BMERB1: variants seen among roughly 807,000 people sequenced by gnomAD.
BMERB1 encodes the protein bMERB domain-containing protein 1.
A neutral mutation model predicts 23.6 loss-of-function variants in BMERB1; 12 were observed. The ratio of observed to expected loss-of-function variants is 0.51; its 90% CI spans 0.33 to 0.82. The LOEUF (loss-of-function observed/expected upper bound fraction) is 0.82. BMERB1 is among the 40% of genes least tolerant of loss of function. The pLI is 0.03. For synonymous variants in BMERB1, 122 were observed against 96.6 expected, an observed-to-expected ratio of 1.26 and a Z score of -1.54; for missense variants, 247 against 255.4, an observed-to-expected ratio of 0.97 and a Z score of 0.22.
At chr16:15,476,864 G>C (rs1314431906) in intron 1 of BMERB1, among the ~76,000 whole-genome samples, 8 of 152,148 alleles carry the variant, frequency 5.3e-5, no homozygotes, top group African/African-American at 1.9e-4. Flanking sequence ...GGGAATCAGA[G>C]CATCACCACC....
chr16:15,532,218 GTTTTGTTT>G (rs960336706), intron 2 of BMERB1, among the ~76,000 whole-genome samples: 18 of 151,276 alleles, frequency 1.2e-4, no homozygotes, highest in African/African-American at 4.2e-4. Flanking sequence ...TAGGATCCCT[GTTTTGTTT>G]TTTTGTTTTT....
intron 1 of BMERB1, among the ~76,000 whole-genome samples, chr16:15,512,101 G>C (rs2051675025): frequency 6.7e-6 from 1 of 148,512 alleles, no homozygotes; most frequent in South Asian, 2.2e-4. Flanking sequence ...ATCAACTCCA[G>C]AGAATTACCT....
chr16:15,465,353 AT>A (rs4012914), intron 1 of BMERB1, among the ~76,000 whole-genome samples: 64,510 of 132,914 alleles, frequency 0.49, 15,132 homozygotes, highest in Middle Eastern at 0.61. Flanking sequence ...TAAGATATAT[AT>A]TTTTTTTTTT....
At chr16:15,479,088 G>T (rs1055566192) in intron 1 of BMERB1, among the ~76,000 whole-genome samples, 5 of 152,182 alleles carry the variant, frequency 3.3e-5, no homozygotes, top group Non-Finnish European at 7.3e-5. Flanking sequence ...TCTCAAAAAT[G>T]AGTAAATAAG....
chr16:15,565,647 A>G (rs953031604), intron 2 of BMERB1, among the ~76,000 whole-genome samples: 1 of 152,164 alleles, frequency 6.6e-6, no homozygotes, highest in African/African-American at 2.4e-5. Flanking sequence ...CCAGGAGTTC[A>G]AGACCAACCT....
chr16:15,520,359 C>G (rs2051835783), intron 2 of BMERB1, among the ~76,000 whole-genome samples: 2 of 151,760 alleles, frequency 1.3e-5, no homozygotes, highest in Non-Finnish European at 2.9e-5. Context: ...CACACTTGGT[C>G]TTGTCTTGTT....
intron 1 of BMERB1, among the ~76,000 whole-genome samples, chr16:15,463,734 C>T (rs1185845436): frequency 6.6e-6 from 1 of 152,100 alleles, no homozygotes; most frequent in Non-Finnish European, 1.5e-5. Context: ...ATCCTGACCC[C>T]CATCCCCACC....
intron 2 of BMERB1, among the ~76,000 whole-genome samples, chr16:15,544,369 G>A (rs2052112828): frequency 6.6e-6 from 1 of 152,154 alleles, no homozygotes; most frequent in African/African-American, 2.4e-5. Context: ...AAGTCCCAGA[G>A]AGTTCTCTGT....
chr16:15,546,257 C>A (rs2029906611), intron 2 of BMERB1, among the ~76,000 whole-genome samples: 1 of 152,156 alleles, frequency 6.6e-6, no homozygotes, highest in South Asian at 2.1e-4. Context: ...AACTGCACTC[C>A]AGCCTACATG....
At chr16:15,580,711 C>T (rs1425809055) in intron 3 of BMERB1, among the ~76,000 whole-genome samples, 1 of 151,850 alleles carries the variant, frequency 6.6e-6, no homozygotes. Context: ...CCACACCCGG[C>T]GAATTTTTTG....
At chr16:15,564,884 C>T (rs1468520919) in intron 2 of BMERB1, among the ~76,000 whole-genome samples, 1 of 152,114 alleles carries the variant, frequency 6.6e-6, no homozygotes, top group Admixed American at 6.5e-5. Context: ...TTCTTTACCC[C>T]AGCTCATTCC....
intron 3 of BMERB1, among the ~76,000 whole-genome samples, chr16:15,573,059 G>A (rs1011503214): frequency 7.2e-5 from 11 of 152,194 alleles, no homozygotes. Context: ...TTGCGGGTAT[G>A]TTTTTATCAG....
intron 1 of BMERB1, among the ~76,000 whole-genome samples, chr16:15,437,971 C>G (rs925047867): frequency 6.6e-6 from 1 of 151,384 alleles, no homozygotes; most frequent in Non-Finnish European, 1.5e-5. Context: ...AAAAAAGAGT[C>G]TGGTATAAAG....
intron 1 of BMERB1, among the ~76,000 whole-genome samples, chr16:15,492,962 TA>T (rs2051436518): frequency 2.0e-5 from 3 of 152,158 alleles, no homozygotes; most frequent in African/African-American, 7.2e-5. Context: ...AATGGTGACT[TA>T]CCTCTGCAGT....
intron 1 of BMERB1, among the ~76,000 whole-genome samples, chr16:15,500,307 G>T (rs1156388496): frequency 2.0e-5 from 3 of 152,172 alleles, no homozygotes; most frequent in Non-Finnish European, 2.9e-5. Flanking sequence ...CTCCTTCTAA[G>T]GGTTTCCTCA....
chr16:15,434,891 C>G (rs1035141547), intron 1 of BMERB1, 132 bp downstream of exon 1: 6 of 722,410 alleles, frequency 8.3e-6, no homozygotes, highest in Non-Finnish European at 1.1e-5. Context: ...GCTGGCAGCT[C>G]AGGGGGATAC....
At chr16:15,524,314 G>C (rs1369576851) in intron 2 of BMERB1, among the ~76,000 whole-genome samples, 1 of 152,138 alleles carries the variant, frequency 6.6e-6, no homozygotes, top group South Asian at 2.1e-4. Context: ...TTGGGGTGTA[G>C]GGGAGGGAAA....
At chr16:15,438,526 A>G (rs982226733) in intron 1 of BMERB1, among the ~76,000 whole-genome samples, 6 of 147,308 alleles carry the variant, frequency 4.1e-5, no homozygotes, top group Admixed American at 1.4e-4. Context: ...CAGTGGCACA[A>G]TCAGCTCACT....
chr16:15,495,742 T>A (rs1363464161), intron 1 of BMERB1, among the ~76,000 whole-genome samples: 1 of 152,186 alleles, frequency 6.6e-6, no homozygotes, highest in African/African-American at 2.4e-5. Context: ...ACATTGCAGG[T>A]GGGACACAAG....
Sources: allele counts gnomAD v4.1 joint callset (sites outside exome capture counted in the v4.1 genomes callset), GRCh38; gene constraint gnomAD v4.1.1; transcripts MANE v1.5; gene names NCBI Gene and HGNC (gene_info 2026-07-23, HGNC 2026-07-21).